PPM1H: variants seen among roughly 807,000 people sequenced by gnomAD.
The protein encoded by PPM1H is protein phosphatase 1H.
In PPM1H, 27 loss-of-function variants were observed where a neutral mutation model predicts 54.9. That is an observed-to-expected ratio of 0.49 (90% CI 0.36 to 0.68). PPM1H has a LOEUF of 0.68. PPM1H is among the 30% of genes least tolerant of loss of function. The pLI is 0.00. For missense variants in PPM1H, 596 were observed against 667.8 expected (o/e 0.89, Z 1.19); for synonymous variants, 305 against 270.8 (o/e 1.13, Z -1.24).
chr12:62,674,183 A>C (rs2075973396), intron 8 of PPM1H, among the ~76,000 whole-genome samples: 2 of 152,248 alleles, frequency 1.3e-5, no homozygotes, highest in African/African-American at 4.8e-5. Flanking sequence ...ATCTCAGGGC[A>C]ACCACATCTG....
rs1004044081 is a variant in PPM1H, at chr12:62,844,463, C to G, written c.246-12184G>C. 2.0e-5 allele frequency among the ~76,000 whole-genome samples: 3 copies of G among 152,182 alleles called. No homozygotes were observed. The highest frequency in any genetic ancestry group is 2.9e-5 in the Non-Finnish European group (2 of 68,028). On this transcript the variant is annotated intron_variant, in intron 1 of 9. Transcript: ENST00000228705. This position sits in a 1 kb window ranked among gnomAD's most constrained non-coding sequence, Gnocchi z 5.2. The stretch of plus-strand genomic sequence containing the variant: ...GCAACTGCATGCTACATGATTCAGG[C>G]TACGTAGCCACATTCCCCTCAAGGC...
intron 9 of PPM1H, among the ~76,000 whole-genome samples, chr12:62,657,958 G>A (rs535836911): frequency 1.2e-4 from 18 of 150,448 alleles, no homozygotes; most frequent in African/African-American, 4.4e-4. Flanking sequence ...AGGGTTTATG[G>A]TATACTGGTT....
At chr12:62,682,572 G>A (rs2136629520) in intron 8 of PPM1H, among the ~76,000 whole-genome samples, 1 of 152,316 alleles carries the variant, frequency 6.6e-6, no homozygotes, top group African/African-American at 2.4e-5. Flanking sequence ...TGTGATCATA[G>A]CTCAAGGCAG....
At chr12:62,657,532 G>C (rs1223853082) in intron 9 of PPM1H, among the ~76,000 whole-genome samples, 1 of 152,140 alleles carries the variant, frequency 6.6e-6, no homozygotes, top group South Asian at 2.1e-4. Flanking sequence ...GCAAAAGAGA[G>C]AAAACTGCAG....
At chr12:62,663,857 G>A (rs977880348) in intron 9 of PPM1H, among the ~76,000 whole-genome samples, 1 of 152,158 alleles carries the variant, frequency 6.6e-6, no homozygotes, top group Non-Finnish European at 1.5e-5. Context: ...TGGGCGTGGT[G>A]GCACATGCCT....
chr12:62,718,072 G>C (rs1465677369), intron 6 of PPM1H, among the ~76,000 whole-genome samples: 1 of 152,152 alleles, frequency 6.6e-6, no homozygotes, highest in Non-Finnish European at 1.5e-5. Context: ...CTGCAACATT[G>C]ATCTCCCCAC....
rs145877229 is a variant in PPM1H, at chr12:62,689,507, G to C, written c.1245+192C>G. 2.2e-4 allele frequency among the ~76,000 whole-genome samples: 33 copies of C among 152,328 alleles called. No individual in the cohort carries two copies. In the East Asian group the frequency reaches 5.2e-3, roughly 24 times the overall value. ...GGAGGCTGTGCAGCCATCTGGGTAA[G>C]AGGTGATGAAGGTGTGAACCAGAAG... On this transcript the variant is annotated intron_variant, in intron 8 of 9. Transcript: ENST00000228705.
chr12:62,675,601 T>C (rs578018131), intron 8 of PPM1H, among the ~76,000 whole-genome samples: 1 of 152,368 alleles, frequency 6.6e-6, no homozygotes, highest in Non-Finnish European at 1.5e-5. Context: ...AGAGTGACCA[T>C]ACATCCCTGT....
chr12:62,890,747 CA>C (rs1870763390), intron 1 of PPM1H, among the ~76,000 whole-genome samples: 1 of 139,328 alleles, frequency 7.2e-6, no homozygotes, highest in Non-Finnish European at 1.5e-5. Flanking sequence ...CACACACACA[CA>C]CACACACATA....
chr12:62,768,308 T>C (rs1184874848), intron 4 of PPM1H, among the ~76,000 whole-genome samples: 2 of 152,072 alleles, frequency 1.3e-5, no homozygotes, highest in Non-Finnish European at 2.9e-5. Flanking sequence ...GAATTGAGGC[T>C]ATCATGAGGG....
chr12:62,878,095 T>C (rs1870247188), intron 1 of PPM1H, among the ~76,000 whole-genome samples: 1 of 152,130 alleles, frequency 6.6e-6, no homozygotes, highest in African/African-American at 2.4e-5. Flanking sequence ...GATGGGGGTT[T>C]CACCATGTTA....
At chr12:62,701,467 T>C (rs1215882198) in intron 6 of PPM1H, among the ~76,000 whole-genome samples, 2 of 152,218 alleles carry the variant, frequency 1.3e-5, no homozygotes, top group Non-Finnish European at 2.9e-5. Flanking sequence ...AAAGCTTTGC[T>C]CACACTGTCC....
chr12:62,731,179 G>T (rs1445917787), intron 5 of PPM1H, among the ~76,000 whole-genome samples: 1 of 152,182 alleles, frequency 6.6e-6, no homozygotes, highest in Admixed American at 6.5e-5. Flanking sequence ...ATAGCTTCTA[G>T]TCTGCCATTT....
intron 1 of PPM1H, among the ~76,000 whole-genome samples, chr12:62,858,626 C>G (rs1173808982): frequency 2.0e-5 from 3 of 152,164 alleles, no homozygotes; most frequent in Non-Finnish European, 4.4e-5. Flanking sequence ...CCTAAGCTTT[C>G]AAAACTGTCC....
intron 1 of PPM1H, among the ~76,000 whole-genome samples, chr12:62,833,823 T>A (rs1354363726): frequency 6.6e-6 from 1 of 152,202 alleles, no homozygotes; most frequent in African/African-American, 2.4e-5. Flanking sequence ...TGTGATCAAA[T>A]AAATGCAAGT....
At chr12:62,908,267 C>T (rs1455192150) in intron 1 of PPM1H, among the ~76,000 whole-genome samples, 2 of 151,872 alleles carry the variant, frequency 1.3e-5, no homozygotes, top group Admixed American at 6.6e-5. Context: ...ATTAGCTAGG[C>T]GTGATGGTGG....
chr12:62,737,122 C>A (rs1196125150), intron 5 of PPM1H, among the ~76,000 whole-genome samples: 2 of 150,920 alleles, frequency 1.3e-5, no homozygotes, highest in Non-Finnish European at 2.9e-5. Flanking sequence ...GGAATCAGAC[C>A]AAGTTCCCTG....
chr12:62,895,708 G>A (rs1870963225), intron 1 of PPM1H, among the ~76,000 whole-genome samples: 1 of 152,112 alleles, frequency 6.6e-6, no homozygotes, highest in Non-Finnish European at 1.5e-5. Flanking sequence ...AAAAGAGCCT[G>A]GGGGCCTCCT....
At chr12:62,829,061 C>A (rs1868322876) in intron 2 of PPM1H, among the ~76,000 whole-genome samples, 1 of 152,084 alleles carries the variant, frequency 6.6e-6, no homozygotes, top group Non-Finnish European at 1.5e-5. Flanking sequence ...AAAAATTAAA[C>A]AGAATTATCA....
Sources: gnomAD v4.1 joint callset for allele counts (sites outside exome capture counted in the v4.1 genomes callset) on GRCh38, gnomAD v4.1.1 for gene constraint, Gnocchi (gnomAD v3.1) non-coding constraint, MANE v1.5 for transcripts, NCBI Gene and HGNC (gene_info 2026-07-23, HGNC 2026-07-21) for gene names.